The following FAM83B variants were observed in gnomAD, a reference collection of about 807,000 sequenced individuals.
FAM83B encodes scaffolding CK1 anchoring protein B.
FAM83B carries 26 observed loss-of-function variants against 38.8 expected under a neutral mutation model. The ratio of observed to expected loss-of-function variants is 0.67; its 90% CI spans 0.49 to 0.93. The LOEUF is 0.93. FAM83B is among the 40% of genes least tolerant of loss of function. FAM83B has a pLI of 0.00. For synonymous variants in FAM83B, 419 were observed against 423.1 expected (o/e 0.99, Z 0.12); for missense variants, 1,237 against 1,197.3 (o/e 1.03, Z -0.49).
intron 2 of FAM83B, among the ~76,000 whole-genome samples, chr6:54,908,662 C>T (rs1772831246): frequency 1.3e-5 from 2 of 152,102 alleles, no homozygotes; most frequent in South Asian, 2.1e-4. Flanking sequence ...AATTCAATAC[C>T]AGCCTCACCC....
chr6:54,879,938 A>G (rs754372531), intron 2 of FAM83B, among the ~76,000 whole-genome samples: 1 of 152,250 alleles, frequency 6.6e-6, no homozygotes, highest in Non-Finnish European at 1.5e-5. Flanking sequence ...CTACTAGAAT[A>G]GAATGTAAAT....
intron 4 of FAM83B, among the ~76,000 whole-genome samples, chr6:54,931,462 T>G (rs1249533972): frequency 1.3e-5 from 2 of 151,950 alleles, no homozygotes; most frequent in African/African-American, 2.4e-5. Context: ...ATTTAGGAGC[T>G]CTGAGGTTTG....
At position 54,927,496 on chromosome 6, in the gene FAM83B, A is replaced by C; in HGVS notation, c.610-12A>C. 6.4e-7 allele frequency: 1 copy of C among 1,572,788 alleles called. No individual in the cohort carries two copies. Among genetic ancestry groups the C allele is most frequent in the Non-Finnish European group, 8.6e-7 (1 of 1,156,428 alleles). ...GCCATAATGTCTGCTTTTTATTTAC[A>C]TATAATTCTAGAATATTCGAGTGCG... On this transcript the variant is annotated splice_polypyrimidine_tract_variant and intron_variant, in intron 3 of 4. Transcript: ENST00000306858.
intron 2 of FAM83B, among the ~76,000 whole-genome samples, chr6:54,883,200 C>T (rs1772177050): frequency 6.6e-6 from 1 of 152,152 alleles, no homozygotes; most frequent in South Asian, 2.1e-4. Flanking sequence ...ACCTTGGCCT[C>T]CCAAAGTGCT....
chr6:54,914,047 A>G (rs71548685), intron 2 of FAM83B, among the ~76,000 whole-genome samples: 8,258 of 152,166 alleles, frequency 0.054, 235 homozygotes, highest in African/African-American at 0.066. Flanking sequence ...GTTTTGTTGA[A>G]ATCCAAACAA....
intron 1 of FAM83B, among the ~76,000 whole-genome samples, chr6:54,853,095 C>A (rs1329302815): frequency 6.6e-6 from 1 of 152,158 alleles, no homozygotes; most frequent in Non-Finnish European, 1.5e-5. Context: ...TAATCCAGAG[C>A]AAGACCTTAA....
chr6:54,891,340 C>G (rs1174462543), intron 2 of FAM83B, among the ~76,000 whole-genome samples: 1 of 125,640 alleles, frequency 8.0e-6, no homozygotes, highest in Non-Finnish European at 1.7e-5. Flanking sequence ...GCCTTTAATT[C>G]TCTTACCATT....
chr6:54,929,287 C>T (rs1283124928), intron 4 of FAM83B, among the ~76,000 whole-genome samples: 2 of 152,134 alleles, frequency 1.3e-5, no homozygotes, highest in African/African-American at 4.8e-5. Flanking sequence ...CTTTGTCCCT[C>T]ACATTCTGGT....
chr6:54,939,580 T>G, intron 4 of FAM83B, 126 bp from the exon 5 acceptor site: 4 of 875,812 alleles, frequency 4.6e-6, no homozygotes, highest in Non-Finnish European at 6.5e-6. Context: ...TGACGGAAAA[T>G]ATTCTAAATA....
At chr6:54,871,638 G>A (rs1355304468) in intron 2 of FAM83B, among the ~76,000 whole-genome samples, 1 of 146,532 alleles carries the variant, frequency 6.8e-6, no homozygotes, top group Non-Finnish European at 1.5e-5. Flanking sequence ...AGCTAGTCAG[G>A]AGGCTAAGAC....
chr6:54,861,492 G>A (rs1771581490), intron 1 of FAM83B, among the ~76,000 whole-genome samples: 1 of 152,120 alleles, frequency 6.6e-6, no homozygotes, highest in Non-Finnish European at 1.5e-5. Flanking sequence ...AGGAGGTGGA[G>A]GTTGCACTGA....
chr6:54,846,478 C>A (rs1036739521), upstream of FAM83B, among the ~76,000 whole-genome samples: 5 of 152,218 alleles, frequency 3.3e-5, no homozygotes, highest in East Asian at 9.6e-4. Context: ...GTAATTGCCC[C>A]GTAGCCCCGA....
At chr6:54,869,472 G>T (rs1221239944) in intron 1 of FAM83B, among the ~76,000 whole-genome samples, 1 of 151,912 alleles carries the variant, frequency 6.6e-6, no homozygotes, top group Non-Finnish European at 1.5e-5. Flanking sequence ...CAGCATGCCA[G>T]GTTTTTTTTT....
At chr6:54,884,836 G>GTGC (rs1167238709) in intron 2 of FAM83B, among the ~76,000 whole-genome samples, 1 of 150,744 alleles carries the variant, frequency 6.6e-6, no homozygotes, top group Admixed American at 6.6e-5. Flanking sequence ...GCAGTGGTGA[G>GTGC]ATCTGGGCTC....
intron 2 of FAM83B, among the ~76,000 whole-genome samples, chr6:54,885,745 C>T (rs999347591): frequency 2.0e-5 from 3 of 147,972 alleles, no homozygotes; most frequent in African/African-American, 7.5e-5. Flanking sequence ...CACGTTCTCA[C>T]TCATAGGTGG....
intron 2 of FAM83B, among the ~76,000 whole-genome samples, chr6:54,896,260 A>T (rs1202405514): frequency 6.6e-6 from 1 of 152,224 alleles, no homozygotes; most frequent in Non-Finnish European, 1.5e-5. Flanking sequence ...TCAACTGATT[A>T]TACCAAAAGC....
chr6:54,877,983 C>T (rs1772039664), intron 2 of FAM83B, among the ~76,000 whole-genome samples: 1 of 152,152 alleles, frequency 6.6e-6, no homozygotes. Context: ...TCAGAAGTCA[C>T]TCACCTGGAA....
chr6:54,940,899 G>T lies in FAM83B; in HGVS notation c.1928G>T (p.Gly643Val). 1 of 1,613,582 alleles carries T rather than the reference G, an allele frequency of 6.2e-7. No individual in the cohort carries two copies. ...AATAACTATATATATAAAACCTTGG[G>T]TGTAAATAAGCAGACAGAAAATCTA... The part of the protein sequence containing the change: ...ESNNYIYKTL[G>V]VNKQTENLKN... Residue 643 changes from glycine to valine, a missense_variant, in exon 5 of 5, where the codon GGT (glycine) becomes GTT (valine). Gly to Val is a moderately radical substitution (Grantham distance 109, BLOSUM62 -3). Transcript: ENST00000306858.
chr6:54,903,261 G>A (rs1033750111), intron 2 of FAM83B, among the ~76,000 whole-genome samples: 1 of 152,118 alleles, frequency 6.6e-6, no homozygotes, highest in African/African-American at 2.4e-5. Context: ...TGCTGAACAT[G>A]CAAGTATACA....
Sources: gnomAD v4.1 joint callset for allele counts (sites outside exome capture counted in the v4.1 genomes callset) on GRCh38, gnomAD v4.1.1 for gene constraint, MANE v1.5 for transcripts, NCBI Gene and HGNC (gene_info 2026-07-23, HGNC 2026-07-21) for gene names.